Variants in NCR1 observed in about 807,000 individuals in gnomAD.
NCR1 encodes NK cell-activating receptor.
Under a neutral mutation model 32.5 loss-of-function variants are expected in NCR1, and 30 were observed. The observed-to-expected ratio is 0.92, with a 90% CI of 0.69 to 1.25. The LOEUF is 1.25. Ranked by LOEUF, NCR1 falls within the 50% of genes most tolerant of loss-of-function variation. The probability of loss-of-function intolerance (pLI) is 0.00; values close to 1 mark genes in which losing one functional copy is unlikely to be tolerated. For synonymous variants in NCR1, 169 were observed against 143.4 expected (o/e 1.18, Z -1.28); for missense variants, 369 against 380.7 (o/e 0.97, Z 0.26).
the NCR1 span, among the ~76,000 whole-genome samples, chr19:54,937,135 A>G: frequency 1.4e-5 from 2 of 145,162 alleles, no homozygotes; most frequent in Non-Finnish European, 3.0e-5. Context: ...GGAGAATGGC[A>G]TGAACCCGGG....
the NCR1 span, chr19:54,933,545 C>A: frequency 1.2e-6 from 2 of 1,613,466 alleles, no homozygotes; most frequent in Non-Finnish European, 8.5e-7. Flanking sequence ...TGTGCACACA[C>A]ACACACACCC....
downstream of NCR1, among the ~76,000 whole-genome samples, chr19:54,919,695 C>A (rs1183926090): frequency 6.7e-6 from 1 of 150,100 alleles, no homozygotes; most frequent in East Asian, 2.0e-4. Context: ...CTTCTCTAAA[C>A]TCCCCCGGGG....
upstream of NCR1, among the ~76,000 whole-genome samples, chr19:54,903,371 T>TC (rs2067347413): frequency 1.7e-5 from 2 of 120,152 alleles, no homozygotes; most frequent in Non-Finnish European, 3.4e-5. Flanking sequence ...TACATGTATA[T>TC]ATACATGTAT....
downstream of NCR1, among the ~76,000 whole-genome samples, chr19:54,918,982 TA>T (rs34795470): frequency 0.27 from 35,516 of 134,014 alleles, 4,992 homozygotes; most frequent in African/African-American, 0.4. Context: ...AAAACTGTCT[TA>T]AAAAAAAAAA....
chr19:54,903,566 A>ATG (rs779064517), upstream of NCR1, among the ~76,000 whole-genome samples: 7 of 142,856 alleles, frequency 4.9e-5, no homozygotes, highest in Non-Finnish European at 1.1e-4. Flanking sequence ...ATATACATAT[A>ATG]TGTGTATATA....
chr19:54,906,958 A>T, intron 3 of NCR1, 151 bp downstream of exon 3: 1 of 901,774 alleles, frequency 1.1e-6, no homozygotes, highest in Non-Finnish European at 1.7e-6. Context: ...CCTTGCCTAC[A>T]AGGGGTTGTC....
At chr19:54,931,171 C>T in the NCR1 span, among the ~76,000 whole-genome samples, 1 of 152,194 alleles carries the variant, frequency 6.6e-6, no homozygotes, top group African/African-American at 2.4e-5. Flanking sequence ...CGCCTATAAT[C>T]ACAGCAGTGG....
chr19:54,936,193 C>T, the NCR1 span: 1 of 1,444,906 alleles, frequency 6.9e-7, no homozygotes, highest in Non-Finnish European at 9.7e-7. Context: ...ACCCTTTTTC[C>T]TAGATCCCCC....
the NCR1 span, chr19:54,937,975 T>A: frequency 7.9e-7 from 1 of 1,271,162 alleles, no homozygotes; most frequent in Non-Finnish European, 1.1e-6. Context: ...TTTCCAAATT[T>A]AAAAAACAAA....
chr19:54,912,625 A>T, intron 6 of NCR1, 65 bp from the exon 7 acceptor site: 1 of 660,698 alleles, frequency 1.5e-6, no homozygotes, highest in Non-Finnish European at 2.2e-6. Flanking sequence ...AAAAAAAAAA[A>T]AAAAAAAAAA....
chr19:54,898,279 C>A, the NCR1 span, among the ~76,000 whole-genome samples: 1 of 152,182 alleles, frequency 6.6e-6, no homozygotes, highest in Non-Finnish European at 1.5e-5. Context: ...AGATGGGATG[C>A]GGCTTAGGAG....
the NCR1 span, chr19:54,937,967 T>A: frequency 9.0e-7 from 1 of 1,111,264 alleles, no homozygotes; most frequent in Non-Finnish European, 1.4e-6. Flanking sequence ...ACAGCACATT[T>A]CCAAATTTAA....
chr19:54,899,818 A>G, the NCR1 span, among the ~76,000 whole-genome samples: 1 of 152,110 alleles, frequency 6.6e-6, no homozygotes. Flanking sequence ...ATAATCAGAG[A>G]GGTGTCCCCG....
At chr19:54,903,472 GGATA>G (rs2067362378), upstream of NCR1, among the ~76,000 whole-genome samples, 7 of 124,498 alleles carry the variant, frequency 5.6e-5, no homozygotes, top group South Asian at 2.6e-4. Flanking sequence ...ATGTATACAC[GGATA>G]CATGTATGTA....
chr19:54,935,379 T>C, the NCR1 span, among the ~76,000 whole-genome samples: 1 of 151,826 alleles, frequency 6.6e-6, no homozygotes, highest in African/African-American at 2.4e-5. Flanking sequence ...AAGGGGCAAA[T>C]TGATGCTTAA....
intron 6 of NCR1, 34 bp from the exon 7 acceptor site, chr19:54,912,656 C>T (rs766484122): frequency 6.3e-6 from 7 of 1,111,100 alleles, no homozygotes; most frequent in Admixed American, 2.2e-5. Context: ...TCCTTACATC[C>T]CTGTCAGCGA....
chr19:54,931,375 G>A, the NCR1 span, among the ~76,000 whole-genome samples: 1 of 152,164 alleles, frequency 6.6e-6, no homozygotes, highest in East Asian at 1.9e-4. Context: ...TGGCCAAAGT[G>A]GTGAAACCCC....
At chr19:54,911,938 A>G (rs1483310546) in intron 5 of NCR1, among the ~76,000 whole-genome samples, 5 of 151,386 alleles carry the variant, frequency 3.3e-5, no homozygotes, top group Admixed American at 3.3e-4. Flanking sequence ...AAAATAGAAG[A>G]CATGACTGGT....
chr19:54,929,700 A>C, the NCR1 span, among the ~76,000 whole-genome samples: 84,849 of 151,934 alleles, frequency 0.56, 23,923 homozygotes, highest in East Asian at 0.72. Flanking sequence ...CCATTGTTAT[A>C]TATATTTCAC....
Sources: gnomAD v4.1 joint callset for allele counts (sites outside exome capture counted in the v4.1 genomes callset) on GRCh38, gnomAD v4.1.1 for gene constraint, MANE v1.5 for transcripts, NCBI Gene and HGNC (gene_info 2026-07-23, HGNC 2026-07-21) for gene names.